The following ABCA4 variants were observed in gnomAD, a reference collection of about 807,000 sequenced individuals.
The protein encoded by ABCA4 is retinal-specific phospholipid-transporting ATPase ABCA4.
A neutral mutation model predicts 263.7 loss-of-function variants in ABCA4; 196 were observed. That is an observed-to-expected ratio of 0.74 (90% CI 0.66 to 0.84). The LOEUF is 0.84. ABCA4 is among the 40% of genes least tolerant of loss of function. The pLI is 0.00. For missense variants in ABCA4, 2,792 were observed against 2,855.1 expected, an observed-to-expected ratio of 0.98 and a Z score of 0.50; for synonymous variants, 1,133 against 1,094.2, an observed-to-expected ratio of 1.04 and a Z score of -0.70.
At chr1:94,118,937 C>A (rs1390116414) in intron 1 of ABCA4, among the ~76,000 whole-genome samples, 1 of 152,190 alleles carries the variant, frequency 6.6e-6, no homozygotes, top group Non-Finnish European at 1.5e-5. Context: ...TCATGTGACC[C>A]CCTTTGAGGG....
At chr1:94,039,213 G>A (rs1660422955) in intron 24 of ABCA4, among the ~76,000 whole-genome samples, 1 of 152,184 alleles carries the variant, frequency 6.6e-6, no homozygotes, top group Admixed American at 6.5e-5. Flanking sequence ...GAGGGCAGGT[G>A]CATGAACAGT....
chr1:94,094,893 G>T (rs1662081233), intron 6 of ABCA4, among the ~76,000 whole-genome samples: 1 of 152,188 alleles, frequency 6.6e-6, no homozygotes, highest in Non-Finnish European at 1.5e-5. Context: ...GGTAGTGTTG[G>T]CACTAATAAT....
intron 3 of ABCA4, among the ~76,000 whole-genome samples, chr1:94,109,697 C>G (rs1662548380): frequency 6.6e-6 from 1 of 152,182 alleles, no homozygotes; most frequent in South Asian, 2.1e-4. Flanking sequence ...GGAAGCAGCT[C>G]CTGACAGCTC....
chr1:94,087,039 G>A (rs1307111401), intron 6 of ABCA4, among the ~76,000 whole-genome samples: 1 of 152,162 alleles, frequency 6.6e-6, no homozygotes, highest in Non-Finnish European at 1.5e-5. Flanking sequence ...TCTTCTCTCT[G>A]TGTCTTCATA....
chr1:94,018,195 G>A (rs60003279), intron 36 of ABCA4, among the ~76,000 whole-genome samples: 123 of 149,370 alleles, frequency 8.2e-4, no homozygotes, highest in African/African-American at 2.7e-3. Context: ...GCACACGCGC[G>A]TGCGTGCACA....
Position 94,055,297 on chromosome 1 carries a change from C to G in ABCA4, c.2401G>C (p.Ala801Pro). ...AGGTACTCAGTGCCAAATCCAAATG[C>G]CACCGGAGACAGTAAGCTCTGCAGT... ...KKAVSLLSPV[A>P]FGFGTEYLVR... The change falls in exon 16 of 50, where the codon GCA becomes CCA. Residue 801 changes from alanine (A) to proline (P), a missense_variant. Ala to Pro is a conservative substitution (Grantham distance 27). Coordinates refer to ENST00000370225, the MANE Select transcript of ABCA4 (RefSeq NM_000350.3). 6.2e-7 allele frequency: 1 copy of G among 1,614,080 alleles called. No homozygotes were observed. The highest frequency in any genetic ancestry group is 8.5e-7 in the Non-Finnish European group (1 of 1,180,010).
intron 23 of ABCA4, among the ~76,000 whole-genome samples, chr1:94,040,409 G>A (rs1660456231): frequency 6.6e-6 from 1 of 152,134 alleles, no homozygotes; most frequent in Admixed American, 6.5e-5. Context: ...TGTAGGTTCT[G>A]CCTGTGGGAG....
Position 94,014,628 on chromosome 1 carries a change from T to G in ABCA4, c.5375A>C (p.Tyr1792Ser), listed in dbSNP as rs1166219309. The change falls in exon 38 of 50, where the codon TAT becomes TCT. Residue 1792 changes from tyrosine to serine, a missense_variant. Transcript: ENST00000370225. ...CAGATTAGCACAAGATAAAGCCACATAGGCTGTGCTGGGGACATCAAACAG... is the reference window on the plus strand; with the variant it reads ...CAGATTAGCACAAGATAAAGCCACAGAGGCTGTGCTGGGGACATCAAACAG... ...SFLFDVPSTA[Y>S]VALSCANLFI... The G allele has an allele frequency of 6.2e-7, 1 of 1,614,188 alleles. No individual in the cohort carries two copies. The highest frequency in any genetic ancestry group is 2.2e-5 in the East Asian group (1 of 44,882).
At chr1:93,999,429 G>C (rs536976711) in intron 47 of ABCA4, among the ~76,000 whole-genome samples, 76 of 152,360 alleles carry the variant, frequency 5.0e-4, no homozygotes, top group Middle Eastern at 3.4e-3. Flanking sequence ...GTGGTGGTAA[G>C]GGCTGATGGG....
chr1:94,107,268 C>T (rs982142104), intron 4 of ABCA4, among the ~76,000 whole-genome samples: 4 of 152,292 alleles, frequency 2.6e-5, no homozygotes, highest in Admixed American at 2.6e-4. Context: ...CTTTCGTGGC[C>T]TCTGAGCCCC....
At chr1:94,049,865 G>A (rs1445496818) in intron 17 of ABCA4, among the ~76,000 whole-genome samples, 2 of 151,908 alleles carry the variant, frequency 1.3e-5, no homozygotes, top group Non-Finnish European at 2.9e-5. Context: ...GACACTTTTT[G>A]GCAAACTTGG....
At chr1:94,008,378 T>C in intron 41 of ABCA4, 81 bp from the exon 42 acceptor site, 8 of 1,430,754 alleles carry the variant, frequency 5.6e-6, no homozygotes, top group African/African-American at 1.4e-5. Flanking sequence ...GAGCAAAGGA[T>C]GGTTTAGGAG....
intron 9 of ABCA4, 98 bp downstream of exon 9, chr1:94,079,224 G>T: frequency 6.5e-7 from 1 of 1,542,552 alleles, no homozygotes; most frequent in Non-Finnish European, 8.9e-7. Flanking sequence ...AACATGAGAT[G>T]TGCTACCAGG....
chr1:94,008,927 T>C lies in ABCA4; in HGVS notation c.5715-56A>G, dbSNP rs1659474743. On this transcript the variant is annotated intron_variant, in intron 40 of 49. Coordinates refer to ENST00000370225, the MANE Select transcript of ABCA4 (RefSeq NM_000350.3). ...TGGCTGTACAGTGTCCTTGGCACTG[T>C]CCTTTCCATGGGACCTCTCTTCCAC... 4 of 1,601,548 alleles carry C rather than the reference T, an allele frequency of 2.5e-6. No individual in the cohort carries two copies. In the African/African-American group the frequency reaches 4.0e-5, roughly 16 times the overall value.
At chr1:94,062,439 A>G in intron 13 of ABCA4, 138 bp downstream of exon 13, 1 of 987,638 alleles carries the variant, frequency 1.0e-6, no homozygotes. Flanking sequence ...TCAGAGCTCC[A>G]TGCTCTCCAA....
rs1413434693 is a variant in ABCA4 at position 94,083,450 on chromosome 1, G to A, written c.769-9C>T. On this transcript the variant is annotated splice_polypyrimidine_tract_variant and intron_variant, in intron 6 of 49. Transcript: ENST00000370225. ...TCTAGGAGTGTGGGAAGCTGTAATT[G>A]ACAGTAAAACAATTTTTTAAATATA... is the stretch of plus-strand genomic sequence containing the variant. 11 of 1,603,760 alleles carry A rather than the reference G, an allele frequency of 6.9e-6. No individual in the cohort carries two copies. The African/African-American group carries it at 1.1e-4, about 16-fold the overall frequency.
intron 6 of ABCA4, among the ~76,000 whole-genome samples, chr1:94,091,315 C>T (rs1254390307): frequency 6.6e-6 from 1 of 152,116 alleles, no homozygotes; most frequent in African/African-American, 2.4e-5. Flanking sequence ...GGTCCTCACA[C>T]CTTACATCTC....
intron 11 of ABCA4, among the ~76,000 whole-genome samples, chr1:94,072,433 A>G (rs1253568070): frequency 6.6e-6 from 1 of 152,176 alleles, no homozygotes; most frequent in Non-Finnish European, 1.5e-5. Flanking sequence ...ATGAAATGAA[A>G]ATACACTGTG....
chr1:93,998,187 T>G (rs1215870141), intron 47 of ABCA4, 77 bp from the exon 48 acceptor site: 1 of 1,604,612 alleles, frequency 6.2e-7, no homozygotes, highest in African/African-American at 1.3e-5. Context: ...AGGAGTAGAC[T>G]CATCAGAAAT....
Sources: gnomAD v4.1 joint callset for allele counts (sites outside exome capture counted in the v4.1 genomes callset) on GRCh38, gnomAD v4.1.1 for gene constraint, MANE v1.5 for transcripts, NCBI Gene and HGNC (gene_info 2026-07-23, HGNC 2026-07-21) for gene names.